The following ANKS1B variants were observed in gnomAD, a reference collection of about 807,000 sequenced individuals.
The protein encoded by ANKS1B is ankyrin repeat and sterile alpha motif domain-containing protein 1B.
Under a neutral mutation model 148.3 loss-of-function variants are expected in ANKS1B, and 36 were observed. The ratio of observed to expected loss-of-function variants is 0.24; its 90% CI spans 0.19 to 0.32. The LOEUF (loss-of-function observed/expected upper bound fraction) is 0.32. Ranked by LOEUF, ANKS1B falls within the 10% of genes least tolerant of loss-of-function variation. The pLI is 1.00. For missense variants in ANKS1B, 1,157 were observed against 1,542.6 expected, an observed-to-expected ratio of 0.75 and a Z score of 4.19; for synonymous variants, 542 against 560.8, an observed-to-expected ratio of 0.97 and a Z score of 0.47.
intron 9 of ANKS1B, among the ~76,000 whole-genome samples, chr12:99,543,475 T>C (rs953038465): frequency 6.6e-6 from 1 of 152,100 alleles, no homozygotes; most frequent in African/African-American, 2.4e-5. Context: ...TCTAGTTATA[T>C]ATAACAAAGA....
At chr12:99,675,104 T>G (rs1750472076) in intron 8 of ANKS1B, among the ~76,000 whole-genome samples, 1 of 151,970 alleles carries the variant, frequency 6.6e-6, no homozygotes, top group African/African-American at 2.4e-5. Flanking sequence ...CCATAATGTT[T>G]GGTGAGGGGC....
intron 16 of ANKS1B, among the ~76,000 whole-genome samples, chr12:99,072,485 A>C (rs2046582989): frequency 6.6e-6 from 1 of 152,102 alleles, no homozygotes; most frequent in Non-Finnish European, 1.5e-5. Context: ...TAGGTGGCTA[A>C]ACTGGGATTA....
intron 17 of ANKS1B, among the ~76,000 whole-genome samples, chr12:98,930,178 T>C (rs970710526): frequency 6.6e-6 from 1 of 151,980 alleles, no homozygotes; most frequent in Admixed American, 6.6e-5. Context: ...AATAAACACA[T>C]GAAAAGTTAC....
At chr12:98,800,967 G>C in intron 21 of ANKS1B, 30 bp downstream of exon 21, 1 of 1,603,398 alleles carries the variant, frequency 6.2e-7, no homozygotes, top group Non-Finnish European at 8.5e-7. Flanking sequence ...TCTCCACTTA[G>C]GCCCAAATAC....
chr12:99,796,160 C>A (rs2066229536), intron 4 of ANKS1B, among the ~76,000 whole-genome samples: 1 of 151,946 alleles, frequency 6.6e-6, no homozygotes, highest in Admixed American at 6.6e-5. Context: ...ATCTGATAAT[C>A]AAGAGGGCTA....
At chr12:98,954,622 T>G (rs2099859398) in intron 17 of ANKS1B, among the ~76,000 whole-genome samples, 1 of 152,188 alleles carries the variant, frequency 6.6e-6, no homozygotes, top group Non-Finnish European at 1.5e-5. Context: ...CATATGAGGT[T>G]TTGCTAAGCT....
At chr12:99,632,203 A>T (rs1454646364) in intron 9 of ANKS1B, among the ~76,000 whole-genome samples, 2 of 152,160 alleles carry the variant, frequency 1.3e-5, no homozygotes, top group Admixed American at 1.3e-4. Flanking sequence ...TACAAGTCAT[A>T]AACTATAGCA....
intron 12 of ANKS1B, among the ~76,000 whole-genome samples, chr12:99,366,321 C>G (rs2092765173): frequency 6.6e-6 from 1 of 152,184 alleles, no homozygotes; most frequent in Admixed American, 6.5e-5. Context: ...CCACCATTTC[C>G]TTTTGTCTCT....
intron 8 of ANKS1B, among the ~76,000 whole-genome samples, chr12:99,716,411 G>C (rs1291819575): frequency 1.3e-5 from 2 of 151,308 alleles, no homozygotes; most frequent in Non-Finnish European, 2.9e-5. Context: ...CTTTTCTCTG[G>C]GCTTGCCTCC....
At chr12:99,167,335 T>C (rs2077288336) in intron 14 of ANKS1B, among the ~76,000 whole-genome samples, 1 of 152,090 alleles carries the variant, frequency 6.6e-6, no homozygotes, top group African/African-American at 2.4e-5. Flanking sequence ...TTGTGAATCA[T>C]GTGATAACAA....
intron 8 of ANKS1B, among the ~76,000 whole-genome samples, chr12:99,705,953 G>A (rs2055693318): frequency 6.6e-6 from 1 of 152,062 alleles, no homozygotes. Context: ...ATTAATCCTA[G>A]GGGAAATAAA....
intron 19 of ANKS1B, among the ~76,000 whole-genome samples, chr12:98,816,799 C>G (rs2099145067): frequency 1.3e-5 from 2 of 152,074 alleles, no homozygotes; most frequent in Non-Finnish European, 2.9e-5. Flanking sequence ...TAAACTGGGA[C>G]TGACAGGCTG....
At position 99,777,102 on chromosome 12, in the gene ANKS1B, G is replaced by C. The variant is rs531747787; in HGVS notation, c.848-1441C>G. Among the ~76,000 whole-genome samples the C allele has an allele frequency of 2.0e-5, 3 of 152,360 alleles. No homozygotes were observed. In the East Asian group the frequency reaches 5.8e-4, roughly 29 times the overall value. ...ATCTGCCAAAGCGTTCAGCCCACAA[G>C]TGGCTAGTTTGTAGCCTCTGTATAA... On this transcript the variant is annotated intron_variant, in intron 6 of 26. Coordinates refer to ENST00000683438, the MANE Select transcript of ANKS1B (RefSeq NM_001352186.2).
At chr12:99,294,214 T>G (rs979400883) in intron 12 of ANKS1B, among the ~76,000 whole-genome samples, 3 of 152,210 alleles carry the variant, frequency 2.0e-5, no homozygotes, top group Non-Finnish European at 4.4e-5. Context: ...ATAAGACAGA[T>G]ATCTGCACTC....
intron 14 of ANKS1B, among the ~76,000 whole-genome samples, chr12:99,208,929 T>C (rs1256047105): frequency 6.6e-6 from 1 of 152,206 alleles, no homozygotes; most frequent in African/African-American, 2.4e-5. Flanking sequence ...CTCTATTTGA[T>C]CTTTCCAGAA....
chr12:99,109,880 A>G (rs1012989882), intron 15 of ANKS1B, among the ~76,000 whole-genome samples: 5 of 152,158 alleles, frequency 3.3e-5, no homozygotes, highest in African/African-American at 1.2e-4. Context: ...CCCTCACAGC[A>G]CCTCTGTGCA....
chr12:99,983,954 C>A (rs2095746579), intron 1 of ANKS1B, 150 bp downstream of exon 1: 1 of 650,462 alleles, frequency 1.5e-6, no homozygotes, highest in Non-Finnish European at 2.6e-6. Flanking sequence ...AGGCTCATAC[C>A]TCCTCTCCAT....
intron 8 of ANKS1B, among the ~76,000 whole-genome samples, chr12:99,731,290 T>G (rs1159005558): frequency 6.6e-6 from 1 of 152,162 alleles, no homozygotes; most frequent in Non-Finnish European, 1.5e-5. Flanking sequence ...AGATAATTTT[T>G]GTATTTTTAG....
intron 12 of ANKS1B, among the ~76,000 whole-genome samples, chr12:99,338,441 C>T (rs953123587): frequency 4.6e-5 from 7 of 152,140 alleles, no homozygotes; most frequent in African/African-American, 1.2e-4. Context: ...CCCTCTGGCC[C>T]AGGGAAGGTC....
Sources: gnomAD v4.1 joint callset for allele counts (sites outside exome capture counted in the v4.1 genomes callset) on GRCh38, gnomAD v4.1.1 for gene constraint, MANE v1.5 for transcripts, NCBI Gene and HGNC (gene_info 2026-07-23, HGNC 2026-07-21) for gene names.